The following PDZRN4 variants were observed in gnomAD, a reference collection of about 807,000 sequenced individuals.
PDZRN4 encodes the protein PDZ domain containing ring finger 4, also known as PDZ domain-containing RING finger protein 4.
PDZRN4 carries 70 observed loss-of-function variants against 99.0 expected under a neutral mutation model. The observed-to-expected ratio is 0.71, with a 90% CI of 0.58 to 0.86. The LOEUF (loss-of-function observed/expected upper bound fraction) is 0.86. Ranked by LOEUF, PDZRN4 falls within the 40% of genes least tolerant of loss-of-function variation. PDZRN4 has a pLI of 0.00. For synonymous variants in PDZRN4, 551 were observed against 501.6 expected (o/e 1.10, Z -1.32); for missense variants, 1,474 against 1,331.2 (o/e 1.11, Z -1.67).
At chr12:41,283,661 G>A (rs997875729) in intron 3 of PDZRN4, among the ~76,000 whole-genome samples, 6 of 152,042 alleles carry the variant, frequency 3.9e-5, no homozygotes, top group Admixed American at 2.0e-4. Context: ...CTTTTCCACC[G>A]TGATCAAGGT....
At chr12:41,389,994 T>A (rs1453172804) in intron 3 of PDZRN4, among the ~76,000 whole-genome samples, 1 of 152,202 alleles carries the variant, frequency 6.6e-6, no homozygotes, top group African/African-American at 2.4e-5. Flanking sequence ...CAGATTATTC[T>A]TAAAATAAGA....
chr12:41,536,684 T>A (rs987096661), intron 5 of PDZRN4, among the ~76,000 whole-genome samples: 1 of 150,800 alleles, frequency 6.6e-6, no homozygotes, highest in Non-Finnish European at 1.5e-5. Context: ...GAAAGAAGGA[T>A]GGAAAATCTC....
At position 41,572,806 on chromosome 12, in the gene PDZRN4, T is replaced by C. The variant is rs777338910; in HGVS notation, c.2027T>C (p.Ile676Thr). 1.1e-5 allele frequency: 17 copies of C among 1,614,104 alleles called. No homozygotes were observed. Among genetic ancestry groups the C allele is most frequent in the South Asian group, 7.7e-5 (7 of 91,072 alleles). The change falls in exon 10 of 10, where the codon ATT becomes ACT. Residue 676 changes from isoleucine (I) to threonine (T), a missense_variant. Coordinates refer to ENST00000402685, the MANE Select transcript of PDZRN4 (RefSeq NM_001164595.2). ...LQLLNEELRN[I>T]ELECQNIMQA... ...TTGCTTAATGAAGAACTGAGAAACA[T>C]TGAGCTTGAGTGTCAGAATATCATG...
intron 3 of PDZRN4, among the ~76,000 whole-genome samples, chr12:41,361,205 A>G (rs1385977400): frequency 1.3e-5 from 2 of 152,108 alleles, no homozygotes; most frequent in Non-Finnish European, 2.9e-5. Context: ...AGACAAAAGT[A>G]TATAACAAAA....
intron 5 of PDZRN4, among the ~76,000 whole-genome samples, chr12:41,516,508 A>G (rs1007581610): frequency 6.6e-6 from 1 of 152,114 alleles, no homozygotes; most frequent in Non-Finnish European, 1.5e-5. Flanking sequence ...TAGGATATCA[A>G]TTTGTCTAGT....
At chr12:41,289,108 A>T (rs776748937) in intron 3 of PDZRN4, among the ~76,000 whole-genome samples, 1 of 152,080 alleles carries the variant, frequency 6.6e-6, no homozygotes, top group Non-Finnish European at 1.5e-5. Context: ...AACTGTGTAA[A>T]TGAATTCTGA....
intron 3 of PDZRN4, among the ~76,000 whole-genome samples, chr12:41,295,083 G>C (rs574230268): frequency 2.2e-4 from 34 of 152,104 alleles, no homozygotes; most frequent in African/African-American, 8.2e-4. Context: ...AATTTTGAGA[G>C]GTAATGTTTC....
chr12:41,274,800 C>A (rs1053939591), intron 3 of PDZRN4, among the ~76,000 whole-genome samples: 3 of 152,146 alleles, frequency 2.0e-5, no homozygotes, highest in African/African-American at 7.2e-5. Flanking sequence ...CTTGAAATAT[C>A]TGAAGACAGT....
At chr12:41,237,943 C>A (rs1951077848) in intron 3 of PDZRN4, among the ~76,000 whole-genome samples, 1 of 152,090 alleles carries the variant, frequency 6.6e-6, no homozygotes, top group Admixed American at 6.6e-5. Flanking sequence ...ATTGTCTTGG[C>A]TACTCAGGCT....
At chr12:41,287,270 A>G (rs974605882) in intron 3 of PDZRN4, among the ~76,000 whole-genome samples, 1 of 152,236 alleles carries the variant, frequency 6.6e-6, no homozygotes, top group Non-Finnish European at 1.5e-5. Flanking sequence ...GGCATAGCCT[A>G]GAGAAGACTT....
chr12:41,434,554 G>A (rs1248314675), intron 3 of PDZRN4, among the ~76,000 whole-genome samples: 1 of 152,106 alleles, frequency 6.6e-6, no homozygotes, highest in African/African-American at 2.4e-5. Context: ...CAGTAGTACA[G>A]TTTATATGGA....
chr12:41,502,574 A>G (rs1938130173), intron 3 of PDZRN4, among the ~76,000 whole-genome samples: 1 of 152,074 alleles, frequency 6.6e-6, no homozygotes. Context: ...ACTCATCTGT[A>G]TTCCTCTAGC....
chr12:41,373,762 G>A (rs1257738073), intron 3 of PDZRN4, among the ~76,000 whole-genome samples: 1 of 152,136 alleles, frequency 6.6e-6, no homozygotes, highest in African/African-American at 2.4e-5. Context: ...GTAAAGACTG[G>A]TGTAGGAAAT....
At chr12:41,321,874 G>A (rs550230452) in intron 3 of PDZRN4, among the ~76,000 whole-genome samples, 24 of 152,050 alleles carry the variant, frequency 1.6e-4, no homozygotes, top group African/African-American at 5.3e-4. Flanking sequence ...TGGGATTTAC[G>A]GTTGGAAAAC....
chr12:41,470,656 G>C (rs953350892), intron 3 of PDZRN4, among the ~76,000 whole-genome samples: 2 of 151,636 alleles, frequency 1.3e-5, no homozygotes, highest in Non-Finnish European at 2.9e-5. Flanking sequence ...TCCCCCTCCC[G>C]CCACCCCACA....
Position 41,309,741 on chromosome 12 carries a change from A to G in PDZRN4, c.843+115553A>G, listed in dbSNP as rs535254314. Among the ~76,000 whole-genome samples the G allele has an allele frequency of 9.2e-5, 14 of 152,320 alleles. No homozygotes were observed. The East Asian group carries it at 2.5e-3, about 27-fold the overall frequency. On this transcript the variant is annotated intron_variant, in intron 3 of 9. Coordinates refer to ENST00000402685, the MANE Select transcript of PDZRN4 (RefSeq NM_001164595.2). ...ATCCAATAGAAAATGAGGCAAAGCT[A>G]GCAGCATCAGGTAATACTGAATAAC...
rs1201150123 is a variant in PDZRN4, at chr12:41,506,572, C to T, written c.960C>T (p.Ala320=). The T allele has an allele frequency of 1.9e-6, 3 of 1,613,758 alleles. No individual in the cohort carries two copies. In the African/African-American group the frequency reaches 4.0e-5, roughly 22 times the overall value. The change falls in exon 4 of 10, where the codon GCC becomes GCT. Residue 320 remains alanine (A), a synonymous_variant. Transcript: ENST00000402685. ...GGCGAACACCTCTTAGTAGACCAGC[C>T]TATGGGATGGCTTCAGAAGTGCAGC... is the stretch of plus-strand genomic sequence containing the variant. ...VLRRTPLSRP[A]YGMASEVQLM...
intron 8 of PDZRN4, 146 bp from the exon 9 acceptor site, chr12:41,567,637 C>G: frequency 1.2e-4 from 29 of 238,444 alleles, no homozygotes; most frequent in East Asian, 2.3e-4. Context: ...TTTCTTCTTT[C>G]TGAGAGGTGA....
chr12:41,342,834 T>G (rs1445847803), intron 3 of PDZRN4, among the ~76,000 whole-genome samples: 1 of 151,930 alleles, frequency 6.6e-6, no homozygotes, highest in Non-Finnish European at 1.5e-5. Flanking sequence ...AACTACCATA[T>G]GCTCCAGCAA....
Sources: gnomAD v4.1 joint callset for allele counts (sites outside exome capture counted in the v4.1 genomes callset) on GRCh38, gnomAD v4.1.1 for gene constraint, MANE v1.5 for transcripts, NCBI Gene and HGNC (gene_info 2026-07-23, HGNC 2026-07-21) for gene names.